MAP3K1: variants seen among roughly 807,000 people sequenced by gnomAD.
MAP3K1 encodes the protein mitogen-activated protein kinase kinase kinase 1, also known as MAP/ERK kinase kinase 1.
Under a neutral mutation model 144.2 loss-of-function variants are expected in MAP3K1, and 36 were observed. The ratio of observed to expected loss-of-function variants is 0.25; its 90% CI spans 0.19 to 0.33. The LOEUF is 0.33. Ranked by LOEUF, MAP3K1 falls within the 10% of genes least tolerant of loss-of-function variation. The pLI is 1.00. For synonymous variants in MAP3K1, 718 were observed against 688.7 expected, an observed-to-expected ratio of 1.04 and a Z score of -0.67; for missense variants, 1,650 against 1,881.9, an observed-to-expected ratio of 0.88 and a Z score of 2.28.
intron 3 of MAP3K1, among the ~76,000 whole-genome samples, chr5:56,860,362 C>T (rs1747469611): frequency 6.6e-6 from 1 of 152,172 alleles, no homozygotes; most frequent in Admixed American, 6.5e-5. Context: ...GGGATGCATG[C>T]ATAAAGCACT....
intron 1 of MAP3K1, among the ~76,000 whole-genome samples, chr5:56,818,235 A>G (rs1398188766): frequency 6.6e-6 from 1 of 152,038 alleles, no homozygotes; most frequent in African/African-American, 2.4e-5. Flanking sequence ...CTTGTATCTT[A>G]TTTGAGTGTG....
chr5:56,830,713 T>G (rs1057086033), intron 1 of MAP3K1, among the ~76,000 whole-genome samples: 7 of 152,188 alleles, frequency 4.6e-5, no homozygotes, highest in Non-Finnish European at 8.8e-5. Flanking sequence ...GTACTGTACT[T>G]TTTACACCTA....
intron 1 of MAP3K1, among the ~76,000 whole-genome samples, chr5:56,853,956 T>C (rs1747255724): frequency 6.6e-6 from 1 of 152,142 alleles, no homozygotes. Flanking sequence ...CTGTGAAATC[T>C]GGGTAAGATT....
rs1748665862 is a variant in MAP3K1 at position 56,895,123 on chromosome 5, A to G, written c.*1443A>G. 1 of 231,404 alleles carries G rather than the reference A, an allele frequency of 4.3e-6. No individual in the cohort carries two copies. Among genetic ancestry groups the G allele is most frequent in the South Asian group, 1.8e-4 (1 of 5,514 alleles). The allele number at this position is 231,404 out of a possible 1,614,324, so 14.3% of individuals were successfully genotyped here. ...TCAGGATAAACTAAATAAGCTATATATAGAGTACATTTAAAATGTACAACA... is the reference window on the plus strand; with the variant it reads ...TCAGGATAAACTAAATAAGCTATATGTAGAGTACATTTAAAATGTACAACA... On this transcript the variant is annotated 3_prime_UTR_variant, in exon 20 of 20. Transcript: ENST00000399503.
chr5:56,888,190 G>C (rs746369358), intron 18 of MAP3K1, 36 bp from the exon 19 acceptor site: 3 of 1,603,748 alleles, frequency 1.9e-6, no homozygotes, highest in Non-Finnish European at 2.6e-6. Context: ...TTTTTCAAAT[G>C]AGTCCTATTT....
At chr5:56,837,649 C>T (rs1336237356) in intron 1 of MAP3K1, among the ~76,000 whole-genome samples, 1 of 152,208 alleles carries the variant, frequency 6.6e-6, no homozygotes, top group Admixed American at 6.5e-5. Context: ...AGGCTTTGTT[C>T]TCAAGTAAAA....
intron 6 of MAP3K1, among the ~76,000 whole-genome samples, chr5:56,868,236 C>T (rs1349529852): frequency 2.6e-5 from 4 of 152,034 alleles, no homozygotes; most frequent in Non-Finnish European, 5.9e-5. Flanking sequence ...ACTGTATTTA[C>T]ACAAGTAGTC....
chr5:56,857,623 T>C (rs1261578339), intron 2 of MAP3K1, among the ~76,000 whole-genome samples: 1 of 152,186 alleles, frequency 6.6e-6, no homozygotes, highest in Non-Finnish European at 1.5e-5. Flanking sequence ...ATTAATTAGA[T>C]GTAAATAAAA....
chr5:56,866,622 C>G (rs1464394414), intron 6 of MAP3K1, among the ~76,000 whole-genome samples: 1 of 152,078 alleles, frequency 6.6e-6, no homozygotes, highest in Non-Finnish European at 1.5e-5. Context: ...ACCAGGGCAC[C>G]TTCTATGTTA....
intron 3 of MAP3K1, among the ~76,000 whole-genome samples, chr5:56,861,569 A>C (rs1369767159): frequency 1.5e-3 from 30 of 20,106 alleles, no homozygotes; most frequent in Non-Finnish European, 5.0e-3. Context: ...TGAGACTCCT[A>C]AAAAAAAAAA....
intron 1 of MAP3K1, among the ~76,000 whole-genome samples, chr5:56,817,279 G>A (rs572531220): frequency 6.6e-6 from 1 of 152,324 alleles, no homozygotes; most frequent in Admixed American, 6.5e-5. Flanking sequence ...GGTATTTTGA[G>A]TTGCTGGAAA....
At chr5:56,860,008 C>A in intron 3 of MAP3K1, 93 bp downstream of exon 3, 2 of 1,153,706 alleles carry the variant, frequency 1.7e-6, no homozygotes, top group Non-Finnish European at 2.5e-6. Flanking sequence ...GTTAGAACAT[C>A]AGTTTTCAAA....
intron 1 of MAP3K1, among the ~76,000 whole-genome samples, chr5:56,831,564 A>G (rs933763494): frequency 3.3e-5 from 5 of 152,232 alleles, no homozygotes; most frequent in Admixed American, 6.5e-5. Flanking sequence ...TGCACTTTCA[A>G]AAATTGAAAC....
At chr5:56,879,579 A>G (rs138213651) in intron 11 of MAP3K1, among the ~76,000 whole-genome samples, 2 of 152,228 alleles carry the variant, frequency 1.3e-5, no homozygotes, top group African/African-American at 4.8e-5. Flanking sequence ...AAATTTTTAG[A>G]TTTTTTATAT....
At chr5:56,861,159 A>G (rs1747496416) in intron 3 of MAP3K1, among the ~76,000 whole-genome samples, 2 of 152,230 alleles carry the variant, frequency 1.3e-5, no homozygotes, top group Non-Finnish European at 2.9e-5. Flanking sequence ...AAAGTGTAAA[A>G]TACACCATTT....
At chr5:56,870,159 T>G (rs1747808703) in intron 6 of MAP3K1, among the ~76,000 whole-genome samples, 1 of 152,188 alleles carries the variant, frequency 6.6e-6, no homozygotes, top group Non-Finnish European at 1.5e-5. Flanking sequence ...AAACCGCAAT[T>G]ACTTTTGCAC....
intron 1 of MAP3K1, among the ~76,000 whole-genome samples, chr5:56,834,410 TG>T (rs1218177144): frequency 6.6e-6 from 1 of 152,244 alleles, no homozygotes; most frequent in East Asian, 1.9e-4. Flanking sequence ...AGGTTCTACC[TG>T]GATGTGACAG....
chr5:56,866,488 CGTTTT>C (rs1747678499), intron 6 of MAP3K1, among the ~76,000 whole-genome samples: 1 of 152,230 alleles, frequency 6.6e-6, no homozygotes, highest in Non-Finnish European at 1.5e-5. Flanking sequence ...TGTATATAGA[CGTTTT>C]GTGCTAAAAA....
intron 4 of MAP3K1, 94 bp from the exon 5 acceptor site, chr5:56,865,246 A>AT: frequency 1.3e-6 from 1 of 796,216 alleles, no homozygotes; most frequent in Admixed American, 2.1e-5. Flanking sequence ...AAACTTTAGT[A>AT]TAAAAAGTTG....
Sources: gnomAD v4.1 joint callset for allele counts (sites outside exome capture counted in the v4.1 genomes callset) on GRCh38, gnomAD v4.1.1 for gene constraint, MANE v1.5 for transcripts, NCBI Gene and HGNC (gene_info 2026-07-23, HGNC 2026-07-21) for gene names.